The following PINK1 variants were observed in gnomAD, a reference collection of about 807,000 sequenced individuals.
The protein encoded by PINK1 is serine/threonine-protein kinase PINK1, mitochondrial.
A neutral mutation model predicts 56.0 loss-of-function variants in PINK1; 58 were observed. The observed-to-expected ratio is 1.04, with a 90% CI of 0.84 to 1.29. PINK1 has a LOEUF of 1.29. Among genes scored for constraint, PINK1 ranks in the 50% most tolerant of loss-of-function variants. The probability of loss-of-function intolerance (pLI) is 0.00; values close to 1 mark genes in which losing one functional copy is unlikely to be tolerated. For missense variants in PINK1, 745 were observed against 777.9 expected (o/e 0.96, Z 0.50); for synonymous variants, 354 against 339.3 (o/e 1.04, Z -0.48).
At chr1:20,649,528 G>A (rs2053237559) in intron 7 of PINK1, 7 of 373,410 alleles carry the variant, frequency 1.9e-5, no homozygotes, top group Non-Finnish European at 3.0e-5. Flanking sequence ...ACTTTGGGAG[G>A]CTGAGGCGGG....
chr1:20,643,208 T>A (rs1393055332), intron 3 of PINK1: 1 of 152,320 alleles, frequency 6.6e-6, no homozygotes, highest in Non-Finnish European at 1.5e-5. Flanking sequence ...AGTGTCACTG[T>A]AGGTTCACTG....
At chr1:20,648,701 C>A in intron 6 of PINK1, 69 bp downstream of exon 6, 1 of 1,595,910 alleles carries the variant, frequency 6.3e-7, no homozygotes, top group Non-Finnish European at 8.5e-7. Context: ...GCAGGAGACT[C>A]GATGCCTTGT....
Position 20,644,334 on chromosome 1 carries a change from C to T in PINK1, c.777-156C>T, listed in dbSNP as rs569076987. Among the ~76,000 whole-genome samples, 4 of 152,280 alleles carry T rather than the reference C, an allele frequency of 2.6e-5. No homozygotes were observed. The East Asian group carries it at 7.7e-4, about 29-fold the overall frequency. ...AGTCATCAGATGTGTTCTCCAACACCATGTACAGTACCTGGCACATAGCAA... is the reference window on the plus strand; with the variant it reads ...AGTCATCAGATGTGTTCTCCAACACTATGTACAGTACCTGGCACATAGCAA... On this transcript the variant is annotated intron_variant, in intron 3 of 7. Coordinates refer to ENST00000321556, the MANE Select transcript of PINK1 (RefSeq NM_032409.3).
chr1:20,648,157 C>G (rs139208198), intron 5 of PINK1, among the ~76,000 whole-genome samples: 334 of 152,318 alleles, frequency 2.2e-3, no homozygotes, highest in Non-Finnish European at 3.6e-3. Context: ...TTTGGGGTTT[C>G]AAATTCAAAT....
At position 20,649,203 on chromosome 1, in the gene PINK1, G is replaced by C. The variant is rs2053232768; in HGVS notation, c.1460G>C (p.Arg487Thr). The C allele has an allele frequency of 6.2e-7, 1 of 1,614,154 alleles. No individual in the cohort carries two copies. Among genetic ancestry groups the C allele is most frequent in the Non-Finnish European group, 8.5e-7 (1 of 1,180,014 alleles). ...CCTCCAGACGTGAGACAGTTGGTGA[G>C]GGCACTGCTCCAGCGAGAGGCCAGC... The part of the protein sequence containing the change: ...SVPPDVRQLV[R>T]ALLQREASKR... Residue 487 changes from arginine to threonine, a missense_variant, in exon 7 of 8, where the codon AGG becomes ACG. By Grantham distance (71) the Arg-to-Thr change is moderately conservative (BLOSUM62 -1). Coordinates refer to ENST00000321556, the MANE Select transcript of PINK1 (RefSeq NM_032409.3).
intron 2 of PINK1, 65 bp from the exon 3 acceptor site, chr1:20,639,827 G>T: frequency 6.9e-7 from 1 of 1,452,730 alleles, no homozygotes. Flanking sequence ...TACAGGCAGG[G>T]CTTACAAGGA....
chr1:20,648,480 G>A, intron 5 of PINK1, 25 bp from the exon 6 acceptor site: 1 of 1,613,988 alleles, frequency 6.2e-7, no homozygotes, highest in Non-Finnish European at 8.5e-7. Flanking sequence ...GAGGAGAAAT[G>A]GTCACTTTGC....
chr1:20,648,420 GC>G, intron 5 of PINK1, 84 bp from the exon 6 acceptor site: 1 of 1,584,858 alleles, frequency 6.3e-7, no homozygotes, highest in Non-Finnish European at 8.6e-7. Context: ...GCTATGTCTT[GC>G]TGGTGGCTTT....
intron 2 of PINK1, chr1:20,638,423 G>C (rs1159547887): frequency 2.4e-6 from 1 of 408,558 alleles, no homozygotes; most frequent in East Asian, 5.2e-5. Context: ...TTGAGCTCAG[G>C]AGTTTGAGAC....
rs1352475242 is a variant in PINK1 at position 20,638,091 on chromosome 1, G to A, written c.637G>A (p.Ala213Thr). The A allele has an allele frequency of 6.2e-7, 1 of 1,613,750 alleles. No individual in the cohort carries two copies. The highest frequency in any genetic ancestry group is 8.5e-7 in the Non-Finnish European group (1 of 1,180,008). ...EGQERAPGAP[A>T]FPLAIKMMWN... ...GCAGGAGCGAGCTCCGGGGGCCCCT[G>A]CCTTCCCCTTGGCCATCAAGATGAT... Residue 213 changes from alanine (A) to threonine (T), a missense_variant, in exon 2 of 8, where the codon GCC (alanine) becomes ACC (threonine). Coordinates refer to ENST00000321556, the MANE Select transcript of PINK1 (RefSeq NM_032409.3).
intron 3 of PINK1, 115 bp downstream of exon 3, chr1:20,640,107 T>C (rs2053101384): frequency 1.1e-6 from 1 of 892,364 alleles, no homozygotes; most frequent in African/African-American, 1.6e-5. Flanking sequence ...TAATAAAGGC[T>C]TAATGTTGGT....
intron 7 of PINK1, chr1:20,650,085 GAAGGTT>G (rs374558870): frequency 5.9e-5 from 22 of 372,200 alleles, no homozygotes; most frequent in African/African-American, 4.2e-4. Context: ...GGTGCGCAGT[GAAGGTT>G]AGAACAACAG....
At position 20,650,720 on chromosome 1, in the gene PINK1, A is replaced by G. The variant is rs2053259663; in HGVS notation, c.*29A>G. 2 of 1,609,306 alleles carry G rather than the reference A, an allele frequency of 1.2e-6. No homozygotes were observed. Among genetic ancestry groups the G allele is most frequent in the South Asian group, 1.1e-5 (1 of 90,632 alleles). On this transcript the variant is annotated 3_prime_UTR_variant, in exon 8 of 8. Transcript: ENST00000321556. Reference sequence around the variant, plus strand: ...CCCTGCATGGAGCTGGTGAATTACTAAAAGAACATGGCATCCTCTGTGTCG... The same window carrying G: ...CCCTGCATGGAGCTGGTGAATTACTGAAAGAACATGGCATCCTCTGTGTCG...
At position 20,633,606 on chromosome 1, in the gene PINK1, C is replaced by G; in HGVS notation, c.58C>G (p.Arg20Gly). Reference sequence around the variant, plus strand: ...GCAGCTGGGTCGAGCGCTGCTGCTGCGCTTCACGGGCAAGCCCGGCCGGGC... The same window carrying G: ...GCAGCTGGGTCGAGCGCTGCTGCTGGGCTTCACGGGCAAGCCCGGCCGGGC... ...GLQLGRALLL[R>G]FTGKPGRAYG... Residue 20 changes from arginine (R) to glycine (G), a missense_variant, in exon 1 of 8, where the codon CGC becomes GGC. Arg to Gly is a moderately radical substitution (Grantham distance 125). Transcript: ENST00000321556. The G allele has an allele frequency of 2.3e-6, 3 of 1,278,112 alleles. No homozygotes were observed. The highest frequency in any genetic ancestry group is 2.9e-6 in the Non-Finnish European group (3 of 1,018,234). The allele number at this position is 1,278,112 out of a possible 1,614,324, so 79.2% of individuals were successfully genotyped here. A position where few individuals can be genotyped will look rare whatever the true frequency, so the allele number is the denominator to read the frequency against.
chr1:20,649,567 C>T lies in PINK1; in HGVS notation c.1488+336C>T. On this transcript the variant is annotated intron_variant, in intron 7 of 7. Transcript: ENST00000321556. ...ATCACTTGGGACCAGGAGTTCCAGT[C>T]CAGCCTGGCCAACATGGTAAAACCC... The T allele has an allele frequency of 9.8e-6, 3 of 306,342 alleles. 1 individual carries two copies. The South Asian group carries it at 1.1e-4, about 11-fold the overall frequency. 19.0% of individuals were successfully genotyped at this position (306,342 alleles called of 1,614,324 possible). A position where few individuals can be genotyped will look rare whatever the true frequency, so the allele number is the denominator to read the frequency against.
intron 2 of PINK1, chr1:20,639,463 T>A (rs1391842634): frequency 3.6e-6 from 1 of 278,726 alleles, no homozygotes; most frequent in East Asian, 8.2e-5. Flanking sequence ...GGAGGAAGGC[T>A]GTTCTGTGAT....
chr1:20,645,041 A>G (rs1397462729), intron 4 of PINK1, among the ~76,000 whole-genome samples: 1 of 152,200 alleles, frequency 6.6e-6, no homozygotes. Flanking sequence ...GGAAATAATT[A>G]TCTGCACCAT....
chr1:20,649,231 G>A lies in PINK1; in HGVS notation c.1488G>A (p.Lys496=), dbSNP rs56217826. The A allele has an allele frequency of 4.0e-5, 65 of 1,613,846 alleles. 1 individual carries two copies. Among genetic ancestry groups the A allele is most frequent in the South Asian group, 1.1e-5 (1 of 91,068 alleles). The change falls in exon 7 of 8, where the codon AAG becomes AAA. Residue 496 remains lysine (K), a splice_region_variant and synonymous_variant. Coordinates refer to ENST00000321556, the MANE Select transcript of PINK1 (RefSeq NM_032409.3). ...CACTGCTCCAGCGAGAGGCCAGCAA[G>A]GTGAGGCTGTCCCCGGCTTCGAGGG... ...VRALLQREAS[K]RPSARVAANV... is the part of the protein sequence containing the mutation.
rs2053171495 is a variant in PINK1 at position 20,645,699 on chromosome 1, A to T, written c.1099A>T (p.Asn367Tyr). The T allele has an allele frequency of 1.2e-6, 2 of 1,614,072 alleles. No homozygotes were observed. The highest frequency in any genetic ancestry group is 1.6e-4 in the Middle Eastern group (1 of 6,062). ...GIAHRDLKSD[N>Y]ILVELDPDGC... ...CGCGCACAGAGACCTGAAATCCGAC[A>T]ACATCCTTGTGGAGCTGGACCCAGG... is the stretch of plus-strand genomic sequence containing the variant. The change falls in exon 5 of 8, where the codon AAC becomes TAC. Residue 367 changes from asparagine to tyrosine, a missense_variant. Coordinates refer to ENST00000321556, the MANE Select transcript of PINK1 (RefSeq NM_032409.3).
Sources: allele counts gnomAD v4.1 joint callset (sites outside exome capture counted in the v4.1 genomes callset), GRCh38; gene constraint gnomAD v4.1.1; transcripts MANE v1.5; gene names NCBI Gene and HGNC (gene_info 2026-07-23, HGNC 2026-07-21).